EXT1: variants seen among roughly 807,000 people sequenced by gnomAD.
The protein encoded by EXT1 is exostosin-1.
A neutral mutation model predicts 82.5 loss-of-function variants in EXT1; 20 were observed. The ratio of observed to expected loss-of-function variants is 0.24; its 90% CI spans 0.17 to 0.35. The LOEUF (loss-of-function observed/expected upper bound fraction) is 0.35, where lower values mean the gene tolerates loss of function less well. Ranked by LOEUF, EXT1 falls within the 10% of genes least tolerant of loss-of-function variation. The pLI, the probability that EXT1 is intolerant of heterozygous loss-of-function variation, is 1.00. For synonymous variants in EXT1, 348 were observed against 350.8 expected (o/e 0.99, Z 0.09); for missense variants, 757 against 936.5 (o/e 0.81, Z 2.50).
chr8:118,011,816 C>T (rs1006101089), intron 1 of EXT1, among the ~76,000 whole-genome samples: 4 of 152,170 alleles, frequency 2.6e-5, no homozygotes, highest in African/African-American at 4.8e-5. Flanking sequence ...AAATTCCAAA[C>T]GCATCTTTGA....
chr8:117,874,551 A>G (rs10955839), intron 1 of EXT1, among the ~76,000 whole-genome samples: 59,689 of 142,032 alleles, frequency 0.42, 13,472 homozygotes, highest in African/African-American at 0.59. Flanking sequence ...ACTCCAGCCT[A>G]GGCAACAAAG....
chr8:117,809,237 ATATAT>A (rs1441650983), intron 8 of EXT1, among the ~76,000 whole-genome samples: 1 of 132,134 alleles, frequency 7.6e-6, no homozygotes, highest in Non-Finnish European at 1.6e-5. Context: ...ATATATATAT[ATATAT>A]ATTATGTTCT....
At chr8:118,092,719 C>T (rs1272353274) in intron 1 of EXT1, among the ~76,000 whole-genome samples, 2 of 152,180 alleles carry the variant, frequency 1.3e-5, no homozygotes, top group Admixed American at 1.3e-4. Flanking sequence ...TCTCACCTGC[C>T]GGTGTGGACA....
At chr8:117,910,127 A>C (rs750558676) in intron 1 of EXT1, among the ~76,000 whole-genome samples, 31 of 152,136 alleles carry the variant, frequency 2.0e-4, no homozygotes, top group Non-Finnish European at 4.3e-4. Context: ...GATAAGCATA[A>C]CTTGCATTCC....
At chr8:117,870,447 G>A (rs1212371611) in intron 1 of EXT1, among the ~76,000 whole-genome samples, 1 of 150,408 alleles carries the variant, frequency 6.6e-6, no homozygotes, top group Non-Finnish European at 1.5e-5. Flanking sequence ...GTGATCCTCT[G>A]AGCTAAAAAT....
At chr8:117,874,914 T>C (rs1429583986) in intron 1 of EXT1, among the ~76,000 whole-genome samples, 4 of 152,206 alleles carry the variant, frequency 2.6e-5, no homozygotes, top group African/African-American at 9.6e-5. Context: ...GCTTTGACAA[T>C]AGTGTTAGCC....
intron 1 of EXT1, among the ~76,000 whole-genome samples, chr8:117,846,707 G>A (rs72673934): frequency 0.019 from 2,854 of 152,118 alleles, 41 homozygotes; most frequent in Middle Eastern, 0.037. Context: ...ACTACCTTTC[G>A]CCAGGCTCTA....
intron 4 of EXT1, 111 bp downstream of exon 4, chr8:117,830,119 C>A (rs2129771522): frequency 2.2e-6 from 3 of 1,371,326 alleles, no homozygotes; most frequent in Non-Finnish European, 3.1e-6. Flanking sequence ...GTACAGGAAT[C>A]TGGTTTTGCC....
At chr8:117,984,327 G>A (rs910717170) in intron 1 of EXT1, among the ~76,000 whole-genome samples, 2 of 152,048 alleles carry the variant, frequency 1.3e-5, no homozygotes, top group African/African-American at 4.8e-5. Context: ...GCTGAGGCAG[G>A]AGAATCGCTT....
rs138298093 is a variant in EXT1, at chr8:117,941,156, C to T, written c.963-103955G>A. Among the ~76,000 whole-genome samples, 959 of 152,286 alleles carry T rather than the reference C, an allele frequency of 6.3e-3. 10 individuals carry two copies. Among genetic ancestry groups the T allele is most frequent in the African/African-American group, 0.022 (923 of 41,548 alleles). On this transcript the variant is annotated intron_variant, in intron 1 of 10. Transcript: ENST00000378204. ...CCGTCTCGGGACTCCTCTAGGGAAC[C>T]CTACCTAAGTCAGAGGCAAGTGGGG...
chr8:117,958,135 C>T (rs189332909), intron 1 of EXT1, among the ~76,000 whole-genome samples: 247 of 151,756 alleles, frequency 1.6e-3, no homozygotes, highest in African/African-American at 5.8e-3. Flanking sequence ...TTAATAAGTG[C>T]ACTTTCTCTT....
chr8:117,837,178 T>C lies in EXT1; in HGVS notation c.986A>G (p.His329Arg), dbSNP rs755363067. Residue 329 changes from histidine to arginine, a missense_variant, in exon 2 of 11, where the codon CAC (histidine) becomes CGC (arginine). Physicochemically the swap from His to Arg is conservative, Grantham distance 29 (BLOSUM62 0). Coordinates refer to ENST00000378204, the MANE Select transcript of EXT1 (RefSeq NM_000127.3). Reference sequence around the variant, plus strand: ...AGGAACCAGACAGAAAGTGGCATTGTGCAGCATTTCCCGATAATCATACCT... The same window carrying C: ...AGGAACCAGACAGAAAGTGGCATTGCGCAGCATTTCCCGATAATCATACCT... ...YEKYDYREML[H>R]NATFCLVPRG... is the part of the protein sequence containing the mutation. The C allele has an allele frequency of 6.2e-7, 1 of 1,613,846 alleles. No homozygotes were observed. Among genetic ancestry groups the C allele is most frequent in the Non-Finnish European group, 8.5e-7 (1 of 1,179,858 alleles).
intron 1 of EXT1, among the ~76,000 whole-genome samples, chr8:118,058,672 C>T (rs1036351706): frequency 1.3e-5 from 2 of 151,936 alleles, no homozygotes; most frequent in Non-Finnish European, 2.9e-5. Flanking sequence ...AAATTTTCCA[C>T]TCAAAAATGT....
intron 1 of EXT1, among the ~76,000 whole-genome samples, chr8:117,980,991 T>C (rs1034634189): frequency 2.0e-5 from 3 of 152,172 alleles, no homozygotes; most frequent in Non-Finnish European, 4.4e-5. Context: ...AGCCCACAGA[T>C]GCATCAGTGG....
At chr8:117,824,850 T>C (rs937560357) in intron 4 of EXT1, among the ~76,000 whole-genome samples, 1 of 152,036 alleles carries the variant, frequency 6.6e-6, no homozygotes. Flanking sequence ...TCTTCTTCTT[T>C]TTCTTTTTTT....
At chr8:118,110,033 G>A in intron 1 of EXT1, 52 bp downstream of exon 1, 1 of 1,612,110 alleles carries the variant, frequency 6.2e-7, no homozygotes, top group South Asian at 1.1e-5. Flanking sequence ...CTGGACCAAG[G>A]CCGGCAGAGC....
At chr8:117,884,266 A>G (rs1441172386) in intron 1 of EXT1, among the ~76,000 whole-genome samples, 1 of 152,218 alleles carries the variant, frequency 6.6e-6, no homozygotes, top group South Asian at 2.1e-4. Context: ...AACAAGAAAG[A>G]GTCTTCCATT....
intron 1 of EXT1, among the ~76,000 whole-genome samples, chr8:117,838,369 C>T (rs1372112723): frequency 6.6e-6 from 1 of 152,130 alleles, no homozygotes; most frequent in Non-Finnish European, 1.5e-5. Flanking sequence ...TTAAAGTCCA[C>T]ATCTATTTTT....
At chr8:117,965,821 T>A (rs1488170601) in intron 1 of EXT1, among the ~76,000 whole-genome samples, 1 of 152,202 alleles carries the variant, frequency 6.6e-6, no homozygotes. Flanking sequence ...CCTAATTATG[T>A]GCTAACTATT....
Sources: gnomAD v4.1 joint callset for allele counts (sites outside exome capture counted in the v4.1 genomes callset) on GRCh38, gnomAD v4.1.1 for gene constraint, MANE v1.5 for transcripts, NCBI Gene and HGNC (gene_info 2026-07-23, HGNC 2026-07-21) for gene names.